Variants in DDR2 observed in about 807,000 individuals in gnomAD.
The protein encoded by DDR2 is discoidin domain receptor tyrosine kinase 2.
In DDR2, 27 loss-of-function variants were observed where a neutral mutation model predicts 94.9. That is an observed-to-expected ratio of 0.28 (90% confidence interval 0.21 to 0.39). The LOEUF is 0.39. Among genes scored for constraint, DDR2 ranks in the 10% least tolerant of loss-of-function variants. The pLI is 1.00. For missense variants in DDR2, 783 were observed against 1,076.0 expected, an observed-to-expected ratio of 0.73 and a Z score of 3.81; for synonymous variants, 382 against 377.2, an observed-to-expected ratio of 1.01 and a Z score of -0.15.
chr1:162,761,742 G>A (rs1045186130), intron 9 of DDR2, among the ~76,000 whole-genome samples: 2 of 152,150 alleles, frequency 1.3e-5, no homozygotes, highest in African/African-American at 4.8e-5. Context: ...TAACGAGTGC[G>A]CTGTTAAGGA....
At position 162,754,730 on chromosome 1, in the gene DDR2, ACT is replaced by A; in HGVS notation, c.295_296del (p.Leu99GlyfsTer46). 1 of 1,613,638 alleles carries A rather than the reference ACT, an allele frequency of 6.2e-7. No individual in the cohort carries two copies. Among genetic ancestry groups the A allele is most frequent in the Non-Finnish European group, 8.5e-7 (1 of 1,179,902 alleles). ...TGACTTGCACACCCTCCATTTTATC[ACT>A]CTGGTGGGGACCCAGGGGCGCCATG... is the stretch of plus-strand genomic sequence containing the variant. ...QIDLHTLHFITLVGTQGRHAG... is the reference protein window; with the variant it reads ...QIDLHTLHFIXLVGTQGRHAG... On this transcript the variant is annotated frameshift_variant, in exon 5 of 18. Coordinates refer to ENST00000367921, the MANE Select transcript of DDR2 (RefSeq NM_006182.4). LOFTEE classifies it high-confidence loss of function.
In DDR2 at chr1:162,787,244, A is replaced by G. The variant is rs1310701701; in HGVS notation, c.*6998A>G. ...TTGTTCTTCTGATTTCCAGGAGAAC[A>G]GAATGAGCCCATGCAAAACATAAAC... On this transcript the variant is annotated 3_prime_UTR_variant, in exon 18 of 18. Coordinates refer to ENST00000367921, the MANE Select transcript of DDR2 (RefSeq NM_006182.4). 6.6e-6 allele frequency: 1 copy of G among 152,158 alleles called. No individual in the cohort carries two copies. The highest frequency in any genetic ancestry group is 1.9e-4 in the East Asian group (1 of 5,196). The allele number at this position is 152,158 out of a possible 1,614,324, so 9.4% of individuals were successfully genotyped here.
chr1:162,725,437 G>C (rs1661613847), intron 3 of DDR2, among the ~76,000 whole-genome samples: 2 of 152,286 alleles, frequency 1.3e-5, no homozygotes, highest in South Asian at 4.1e-4. Flanking sequence ...GGAGTGCAGT[G>C]GCATGAACAT....
intron 1 of DDR2, among the ~76,000 whole-genome samples, chr1:162,642,404 C>T (rs1032793059): frequency 2.0e-5 from 3 of 151,308 alleles, no homozygotes; most frequent in Non-Finnish European, 4.4e-5. Flanking sequence ...TCCCGAGTAG[C>T]TGGGATTACA....
intron 3 of DDR2, among the ~76,000 whole-genome samples, chr1:162,752,694 C>T (rs1663272763): frequency 6.6e-6 from 1 of 152,120 alleles, no homozygotes; most frequent in Non-Finnish European, 1.5e-5. Flanking sequence ...TTCTTTGGGT[C>T]ATAAAGGCGC....
At chr1:162,765,700 C>A (rs764218910) in intron 9 of DDR2, among the ~76,000 whole-genome samples, 7 of 150,638 alleles carry the variant, frequency 4.6e-5, no homozygotes, top group Non-Finnish European at 8.8e-5. Flanking sequence ...TTGGGTCCTG[C>A]TTCTTATGCT....
Position 162,650,338 on chromosome 1 carries a change from G to C in DDR2, c.-191-4873G>C, listed in dbSNP as rs1657626687. On this transcript the variant is annotated intron_variant, in intron 1 of 17. Transcript: ENST00000367921. Reference sequence around the variant, plus strand: ...AGGCCAGGTGTGGTGGCTCACGCCTGTAATCCCAACATTTTGGGAGGCCAA... The same window carrying C: ...AGGCCAGGTGTGGTGGCTCACGCCTCTAATCCCAACATTTTGGGAGGCCAA... Among the ~76,000 whole-genome samples the C allele has an allele frequency of 2.0e-5, 3 of 152,092 alleles. No individual in the cohort carries two copies. In the South Asian group the frequency reaches 6.2e-4, roughly 32 times the overall value.
At chr1:162,774,608 T>C (rs566296864) in intron 14 of DDR2, among the ~76,000 whole-genome samples, 184 of 152,276 alleles carry the variant, frequency 1.2e-3, no homozygotes, top group Non-Finnish European at 2.2e-3. Flanking sequence ...AAGTATTTCT[T>C]ATATTAATCT....
chr1:162,692,128 T>C (rs886330197), intron 2 of DDR2, among the ~76,000 whole-genome samples: 3 of 152,136 alleles, frequency 2.0e-5, no homozygotes, highest in Admixed American at 2.0e-4. Context: ...CTCTAGTGAG[T>C]CCAGCCCAGT....
chr1:162,671,711 G>T (rs1658852714), intron 2 of DDR2, among the ~76,000 whole-genome samples: 1 of 152,156 alleles, frequency 6.6e-6, no homozygotes, highest in African/African-American at 2.4e-5. Context: ...CTAGCTCCCT[G>T]ATGGACACCT....
chr1:162,770,572 T>C (rs1558077458), intron 12 of DDR2, 60 bp downstream of exon 12: 1 of 1,502,826 alleles, frequency 6.7e-7, no homozygotes, highest in Non-Finnish European at 9.2e-7. Flanking sequence ...ATCAGGTAGG[T>C]ATGACACGCC....
intron 9 of DDR2, among the ~76,000 whole-genome samples, chr1:162,764,358 A>T (rs1663888810): frequency 6.7e-6 from 1 of 150,090 alleles, no homozygotes; most frequent in Non-Finnish European, 1.5e-5. Context: ...ATACCATTAA[A>T]TTTAAATGGG....
At chr1:162,659,677 C>G (rs1288152491) in intron 2 of DDR2, among the ~76,000 whole-genome samples, 2 of 152,134 alleles carry the variant, frequency 1.3e-5, no homozygotes, top group Non-Finnish European at 2.9e-5. Flanking sequence ...GTTAGAGATG[C>G]TCATTTCTGA....
At chr1:162,669,057 G>A (rs538063061) in intron 2 of DDR2, among the ~76,000 whole-genome samples, 29 of 152,242 alleles carry the variant, frequency 1.9e-4, no homozygotes, top group African/African-American at 5.1e-4. Flanking sequence ...CCTTTGGGGC[G>A]CAAATATTAT....
At chr1:162,687,921 G>A (rs1005548366) in intron 2 of DDR2, among the ~76,000 whole-genome samples, 1 of 152,186 alleles carries the variant, frequency 6.6e-6, no homozygotes, top group African/African-American at 2.4e-5. Context: ...CAGAGAAGCA[G>A]GACACCATGT....
At chr1:162,645,121 C>G (rs893854813) in intron 1 of DDR2, among the ~76,000 whole-genome samples, 14 of 152,218 alleles carry the variant, frequency 9.2e-5, no homozygotes, top group African/African-American at 3.4e-4. Context: ...GCTGATGAAG[C>G]AGATTCTCTG....
At chr1:162,631,172 G>A (rs1327774384), upstream of DDR2, among the ~76,000 whole-genome samples, 3 of 142,060 alleles carry the variant, frequency 2.1e-5, no homozygotes, top group African/African-American at 8.0e-5. Flanking sequence ...CAGTTTCATG[G>A]CCACCCTCAT....
chr1:162,642,391 G>A (rs1483671388), intron 1 of DDR2, among the ~76,000 whole-genome samples: 1 of 151,416 alleles, frequency 6.6e-6, no homozygotes, highest in Non-Finnish European at 1.5e-5. Flanking sequence ...TCCTGCCTCA[G>A]CCTCCCGAGT....
chr1:162,720,267 C>A (rs933917449), intron 3 of DDR2, among the ~76,000 whole-genome samples: 55 of 151,912 alleles, frequency 3.6e-4, no homozygotes, highest in Non-Finnish European at 4.4e-4. Context: ...AGAAACAGAA[C>A]TATACCAGCA....
Sources: gnomAD v4.1 joint callset for allele counts (sites outside exome capture counted in the v4.1 genomes callset) on GRCh38, gnomAD v4.1.1 for gene constraint, MANE v1.5 for transcripts, NCBI Gene and HGNC (gene_info 2026-07-23, HGNC 2026-07-21) for gene names.